Variants in CHKA observed in about 807,000 individuals in gnomAD.
CHKA encodes CHETK-alpha.
Under a neutral mutation model 60.1 loss-of-function variants are expected in CHKA, and 34 were observed. That is an observed-to-expected ratio of 0.57 (90% CI 0.43 to 0.75). The LOEUF is 0.75. Ranked by LOEUF, CHKA falls within the 30% of genes least tolerant of loss-of-function variation. The pLI is 0.00. For synonymous variants in CHKA, 217 were observed against 223.1 expected (o/e 0.97, Z 0.24); for missense variants, 563 against 561.3 (o/e 1.00, Z -0.03).
chr11:68,119,768 C>CG (rs1404375244), intron 1 of CHKA, among the ~76,000 whole-genome samples: 1 of 152,010 alleles, frequency 6.6e-6, no homozygotes, highest in African/African-American at 2.4e-5. Context: ...GCGCCCGGCC[C>CG]GGGAACACAT....
intron 2 of CHKA, among the ~76,000 whole-genome samples, chr11:68,096,184 T>A (rs1479610662): frequency 2.0e-5 from 3 of 151,464 alleles, no homozygotes; most frequent in Non-Finnish European, 2.9e-5. Context: ...ACCAACATGG[T>A]GAAACCCCGT....
chr11:68,092,183 A>G (rs1857371402), intron 2 of CHKA, among the ~76,000 whole-genome samples: 1 of 152,214 alleles, frequency 6.6e-6, no homozygotes, highest in Non-Finnish European at 1.5e-5. Flanking sequence ...GAGTCATACT[A>G]TATTTAATTC....
At chr11:68,076,759 G>C (rs1462594359) in intron 3 of CHKA, among the ~76,000 whole-genome samples, 3 of 152,192 alleles carry the variant, frequency 2.0e-5, no homozygotes, top group Non-Finnish European at 4.4e-5. Flanking sequence ...CCTCTCCAGA[G>C]CTGAGTCAAC....
In CHKA at chr11:68,066,459, A is replaced by G; in HGVS notation, c.986T>C (p.Ile329Thr). 1 of 1,614,092 alleles carries G rather than the reference A, an allele frequency of 6.2e-7. No homozygotes were observed. The highest frequency in any genetic ancestry group is 1.1e-5 in the South Asian group (1 of 91,076). The stretch of plus-strand genomic sequence containing the variant: ...ATTGTAACTGCTGTATTCGAAATCA[A>G]TGAGCATCAGTTTCTGTTTTTCAGA... ...ENSEKQKLML[I>T]DFEYSSYNYR... The change falls in exon 8 of 12, where the codon ATT becomes ACT. Residue 329 changes from isoleucine (I) to threonine (T), a missense_variant. Transcript: ENST00000265689.
intron 1 of CHKA, among the ~76,000 whole-genome samples, chr11:68,120,295 C>T (rs193222227): frequency 1.4e-3 from 215 of 152,144 alleles, no homozygotes; most frequent in African/African-American, 4.9e-3. Flanking sequence ...CGCCTCCCAC[C>T]TTTGTCTAGT....
At chr11:68,081,528 C>T (rs1856988161) in intron 2 of CHKA, 71 bp from the exon 3 acceptor site, 1 of 1,219,422 alleles carries the variant, frequency 8.2e-7, no homozygotes, top group Non-Finnish European at 1.2e-6. Flanking sequence ...TTTGCAACCA[C>T]CAGAACAGTC....
At chr11:68,073,340 T>C (rs1296853326) in intron 4 of CHKA, among the ~76,000 whole-genome samples, 2 of 152,204 alleles carry the variant, frequency 1.3e-5, no homozygotes, top group South Asian at 2.1e-4. Flanking sequence ...GGTTCTATTA[T>C]TTACAAAATT....
At position 68,117,348 on chromosome 11, in the gene CHKA, GAGA is replaced by G. The variant is rs1433914100; in HGVS notation, c.350+3477_350+3479del. On this transcript the variant is annotated intron_variant, in intron 1 of 11. Transcript: ENST00000265689. ...CTCAATGTTAGTTGCTGTGGTTCTG[GAGA>G]AGGAGTGATTTTAAAACAGTAATAA... 2.6e-5 allele frequency among the ~76,000 whole-genome samples: 4 copies of G among 152,168 alleles called. No homozygotes were observed. The East Asian group carries it at 7.7e-4, about 29-fold the overall frequency.
intron 1 of CHKA, among the ~76,000 whole-genome samples, chr11:68,101,240 G>T (rs112380733): frequency 6.6e-6 from 1 of 151,938 alleles, no homozygotes; most frequent in Non-Finnish European, 1.5e-5. Context: ...GAGCCACCAC[G>T]CTGGTCCAAA....
chr11:68,120,815 C>T lies in CHKA; in HGVS notation c.350+13G>A, dbSNP rs766168076. On this transcript the variant is annotated intron_variant, in intron 1 of 11. Coordinates refer to ENST00000265689, the MANE Select transcript of CHKA (RefSeq NM_001277.3). ...CTGACTGTCCCGCGGCCCCCAGACC[C>T]GGCGCCACCGACCTGATGACACTGA... The T allele has an allele frequency of 8.1e-7, 1 of 1,233,606 alleles. No homozygotes were observed. Among genetic ancestry groups the T allele is most frequent in the South Asian group, 2.1e-5 (1 of 46,624 alleles). The allele number at this position is 1,233,606 out of a possible 1,614,324, so 76.4% of individuals were successfully genotyped here. A position where few individuals can be genotyped will look rare whatever the true frequency, so the allele number is the denominator to read the frequency against.
At position 68,070,357 on chromosome 11, in the gene CHKA, T is replaced by C. The variant is rs981425462; in HGVS notation, c.765-64A>G. The C allele has an allele frequency of 3.5e-5, 42 of 1,198,626 alleles. 1 individual carries two copies. The highest frequency in any genetic ancestry group is 4.9e-5 in the Non-Finnish European group (40 of 808,668). 74.2% of individuals were successfully genotyped at this position (1,198,626 alleles called of 1,614,324 possible). On this transcript the variant is annotated intron_variant, in intron 5 of 11. Transcript: ENST00000265689. ...CACCGATCAATTCACCAAGGCTTGCTGTTCTTGGGGCTTTGGTTAAACATT... is the reference window on the plus strand; with the variant it reads ...CACCGATCAATTCACCAAGGCTTGCCGTTCTTGGGGCTTTGGTTAAACATT...
chr11:68,060,646 CTTCT>C (rs1380360083), intron 11 of CHKA, among the ~76,000 whole-genome samples: 2 of 152,204 alleles, frequency 1.3e-5, no homozygotes, highest in Non-Finnish European at 2.9e-5. Context: ...CTGCCATTTT[CTTCT>C]TTCACTTTTG....
rs1445016487 is a variant in CHKA, at chr11:68,121,291, G to T, written c.-114C>A. On this transcript the variant is annotated 5_prime_UTR_variant, in exon 1 of 12. Transcript: ENST00000265689. ...CACTGGCAGGCCGGCGGGGCAGGGG[G>T]CCGCGGCGGTTGGGCGCGCGGGGCG... 2.2e-4 allele frequency: 204 copies of T among 910,930 alleles called. No homozygotes were observed. Among genetic ancestry groups the T allele is most frequent in the Non-Finnish European group, 2.7e-4 (200 of 749,702 alleles). The allele number at this position is 910,930 out of a possible 1,614,324, so 56.4% of individuals were successfully genotyped here.
chr11:68,093,175 T>G (rs1291599615), intron 2 of CHKA, among the ~76,000 whole-genome samples: 1 of 152,134 alleles, frequency 6.6e-6, no homozygotes, highest in Non-Finnish European at 1.5e-5. Flanking sequence ...GCCCAGCTAT[T>G]TTTTTATAGA....
At position 68,070,281 on chromosome 11, in the gene CHKA, T is replaced by C. The variant is rs1245212383; in HGVS notation, c.777A>G (p.Glu259=). 6.2e-7 allele frequency: 1 copy of C among 1,608,598 alleles called. No homozygotes were observed. The highest frequency in any genetic ancestry group is 2.2e-5 in the East Asian group (1 of 44,860). ...LFGTMEKYLK[E]VLRIKFTEES... ...CCTCAGTAAATTTAATTCTCAGCAC[T>C]TCCTTTAGATACCTATTAAAAAATT... Residue 259 remains glutamate, a synonymous_variant, in exon 6 of 12, where the codon GAA becomes GAG. Coordinates refer to ENST00000265689, the MANE Select transcript of CHKA (RefSeq NM_001277.3).
rs763889003 is a variant in CHKA, at chr11:68,070,178, G to C, written c.869+11C>G. The C allele has an allele frequency of 6.3e-7, 1 of 1,588,540 alleles. No individual in the cohort carries two copies. Among genetic ancestry groups the C allele is most frequent in the Non-Finnish European group, 8.6e-7 (1 of 1,157,616 alleles). ...GAATATTTAAAGTCAGGAAATAGAA[G>C]GAAAACTCACCTCAGGTTTTCCAGT... is the stretch of plus-strand genomic sequence containing the variant. On this transcript the variant is annotated intron_variant, in intron 6 of 11. Transcript: ENST00000265689.
rs71040587 is a variant in CHKA, at chr11:68,113,081, C to CAAAAAAAAAAAA, written c.350+7735_350+7746dup. On this transcript the variant is annotated intron_variant, in intron 1 of 11. Coordinates refer to ENST00000265689, the MANE Select transcript of CHKA (RefSeq NM_001277.3). ...TGGGCAACAGAGCAAGACTCCGTCT[C>CAAAAAAAAAAAA]AAAAAAAAAAAAAAAAAAAAAAAAA... Among the ~76,000 whole-genome samples the CAAAAAAAAAAAA allele has an allele frequency of 3.9e-3, 57 of 14,534 alleles. 1 individual carries two copies. The highest frequency in any genetic ancestry group is 9.1e-3 in the East Asian group (3 of 330). 9.5% of individuals were successfully genotyped at this position (14,534 alleles called of 152,430 possible).
At chr11:68,062,081 T>TCCTGTAACTGA in intron 10 of CHKA, 47 bp from the exon 11 acceptor site, 9 of 1,266,616 alleles carry the variant, frequency 7.1e-6, no homozygotes, top group Non-Finnish European at 1.0e-5. Flanking sequence ...ACAGTATCAG[T>TCCTGTAACTGA]TACAGGACTG....
chr11:68,060,551 T>A (rs549197040), intron 11 of CHKA, among the ~76,000 whole-genome samples: 1 of 152,304 alleles, frequency 6.6e-6, no homozygotes, highest in South Asian at 2.1e-4. Flanking sequence ...CCTCAAGTGA[T>A]CCAACCACCT....
Sources: gnomAD v4.1 joint callset for allele counts (sites outside exome capture counted in the v4.1 genomes callset) on GRCh38, gnomAD v4.1.1 for gene constraint, MANE v1.5 for transcripts, NCBI Gene and HGNC (gene_info 2026-07-23, HGNC 2026-07-21) for gene names.